IRAG1: variants seen among roughly 807,000 people sequenced by gnomAD.
IRAG1 encodes the protein inositol 1,4,5-triphosphate receptor associated 1, also known as IP3R-associated cGMP kinase substrate.
IRAG1 carries 62 observed loss-of-function variants against 106.2 expected under a neutral mutation model. The observed-to-expected ratio is 0.58, with a 90% CI of 0.48 to 0.72. IRAG1 has a LOEUF of 0.72. IRAG1 is among the 30% of genes least tolerant of loss of function. The probability of loss-of-function intolerance (pLI) is 0.00; values close to 1 mark genes in which losing one functional copy is unlikely to be tolerated. For synonymous variants in IRAG1, 462 were observed against 443.9 expected (o/e 1.04, Z -0.51); for missense variants, 1,064 against 1,140.7 (o/e 0.93, Z 0.97).
chr11:10,614,010 A>G (rs1302942733), intron 10 of IRAG1, among the ~76,000 whole-genome samples: 2 of 152,146 alleles, frequency 1.3e-5, no homozygotes, highest in Non-Finnish European at 2.9e-5. Flanking sequence ...CCCCAGGGCC[A>G]GTACCTGACA....
At chr11:10,689,185 G>T (rs901528496) in intron 1 of IRAG1, among the ~76,000 whole-genome samples, 2 of 146,948 alleles carry the variant, frequency 1.4e-5, no homozygotes, top group African/African-American at 2.4e-5. Context: ...CTTAGCTAAG[G>T]CCTGCTCTCA....
At chr11:10,668,125 C>T (rs1367254242) in intron 1 of IRAG1, among the ~76,000 whole-genome samples, 1 of 152,198 alleles carries the variant, frequency 6.6e-6, no homozygotes, top group Non-Finnish European at 1.5e-5. Flanking sequence ...CATGAAAGAC[C>T]CTACTCATCC....
At chr11:10,675,939 G>A (rs573085062) in intron 1 of IRAG1, among the ~76,000 whole-genome samples, 2 of 152,216 alleles carry the variant, frequency 1.3e-5, no homozygotes, top group South Asian at 4.1e-4. Context: ...ATGGACAGGA[G>A]TGAGGCAAGG....
chr11:10,606,015 T>C (rs1854441693), intron 12 of IRAG1, among the ~76,000 whole-genome samples: 1 of 152,226 alleles, frequency 6.6e-6, no homozygotes, highest in Non-Finnish European at 1.5e-5. Flanking sequence ...TTTTCAGAGC[T>C]GCTGGTTAGG....
intron 1 of IRAG1, among the ~76,000 whole-genome samples, chr11:10,654,120 G>A (rs1345346189): frequency 6.6e-6 from 1 of 152,118 alleles, no homozygotes; most frequent in African/African-American, 2.4e-5. Flanking sequence ...GGAAAGCCCT[G>A]CCACCTCCCA....
intron 1 of IRAG1, among the ~76,000 whole-genome samples, chr11:10,667,602 C>T (rs1470643301): frequency 1.3e-5 from 2 of 152,174 alleles, no homozygotes; most frequent in Non-Finnish European, 2.9e-5. Flanking sequence ...ACCAGAAAAT[C>T]GACTCCTGGG....
chr11:10,665,415 T>G lies in IRAG1; in HGVS notation c.68-13233A>C, dbSNP rs563335218. Among the ~76,000 whole-genome samples the G allele has an allele frequency of 1.3e-5, 2 of 152,330 alleles. No homozygotes were observed. Among genetic ancestry groups the G allele is most frequent in the South Asian group, 4.1e-4 (2 of 4,830 alleles). ...AGGGCTCCAGAGGAGTGACTCGGTTTGACCAACCTCCATGTTCCTGCCTAG... is the reference window on the plus strand; with the variant it reads ...AGGGCTCCAGAGGAGTGACTCGGTTGGACCAACCTCCATGTTCCTGCCTAG... On this transcript the variant is annotated intron_variant, in intron 1 of 20. Coordinates refer to ENST00000423302, the MANE Select transcript of IRAG1 (RefSeq NM_130385.4). The surrounding 1 kb of genome is among the most constrained non-coding windows in gnomAD (Gnocchi z 4.2).
chr11:10,625,564 C>G (rs1195818542), intron 9 of IRAG1, among the ~76,000 whole-genome samples: 3 of 152,090 alleles, frequency 2.0e-5, no homozygotes, highest in Non-Finnish European at 4.4e-5. Context: ...ATCACTATTT[C>G]ACCCTTGCTA....
chr11:10,690,961 C>A (rs1281544443), intron 1 of IRAG1, among the ~76,000 whole-genome samples: 1 of 152,190 alleles, frequency 6.6e-6, no homozygotes, highest in Non-Finnish European at 1.5e-5. Context: ...AAGCTCTCTT[C>A]TCCCTATCTA....
At chr11:10,604,760 A>G (rs183324601) in intron 12 of IRAG1, among the ~76,000 whole-genome samples, 1 of 152,342 alleles carries the variant, frequency 6.6e-6, no homozygotes, top group Admixed American at 6.5e-5. Flanking sequence ...CCTTCCCAGA[A>G]CCGGAGGTCC....
chr11:10,638,440 A>G (rs1218508351), intron 2 of IRAG1, among the ~76,000 whole-genome samples: 1 of 152,154 alleles, frequency 6.6e-6, no homozygotes, highest in South Asian at 2.1e-4. Context: ...TTTGTGCTTA[A>G]AATCTCTCCC....
chr11:10,582,481 C>T (rs897421248), intron 18 of IRAG1, among the ~76,000 whole-genome samples: 10 of 151,344 alleles, frequency 6.6e-5, no homozygotes, highest in African/African-American at 2.4e-4. Flanking sequence ...GGAAAAGCCC[C>T]AAAAAAGGAA....
rs1850815830 is a variant in IRAG1 at position 10,576,406 on chromosome 11, A to G, written c.2665T>C (p.Ser889Pro). The stretch of plus-strand genomic sequence containing the variant: ...TCCCTCTGGGCTGCCGAGCAAGTGG[A>G]TCTTCCAAGGGGCCCATCAGCCTGC... ...AEQADGPLGR[S>P]TCSAAQRDSW... Residue 889 changes from serine (S) to proline (P), a missense_variant, in exon 21 of 21, where the codon TCC (serine) becomes CCC (proline). Coordinates refer to ENST00000423302, the MANE Select transcript of IRAG1 (RefSeq NM_130385.4). 2 of 1,613,938 alleles carry G rather than the reference A, an allele frequency of 1.2e-6. No homozygotes were observed. Among genetic ancestry groups the G allele is most frequent in the Non-Finnish European group, 1.7e-6 (2 of 1,179,870 alleles).
At position 10,593,495 on chromosome 11, in the gene IRAG1, G is replaced by A; in HGVS notation, c.2172C>T (p.Ala724=). 2 of 1,610,244 alleles carry A rather than the reference G, an allele frequency of 1.2e-6. No individual in the cohort carries two copies. Among genetic ancestry groups the A allele is most frequent in the Non-Finnish European group, 8.5e-7 (1 of 1,176,538 alleles). The stretch of plus-strand genomic sequence containing the variant: ...AGGCAGACATCGTCATACTTACCAA[G>A]GCTGGTAAGGAGGGAATGGATGATG... ...PSSSSIPSLP[A]LSESPNGKGS... The change falls in exon 17 of 21, where the codon GCC becomes GCT. Residue 724 remains alanine, a synonymous_variant. Transcript: ENST00000423302.
intron 1 of IRAG1, among the ~76,000 whole-genome samples, chr11:10,682,086 T>C (rs1314163757): frequency 6.6e-6 from 1 of 152,172 alleles, no homozygotes; most frequent in Non-Finnish European, 1.5e-5. Context: ...AAGTCTCCAT[T>C]TTCTCATCAG....
intron 17 of IRAG1, 24 bp from the exon 18 acceptor site, chr11:10,591,636 G>T (rs1415775961): frequency 6.4e-7 from 1 of 1,573,784 alleles, no homozygotes; most frequent in South Asian, 1.2e-5. Flanking sequence ...AGAAGACAGA[G>T]AATTGAGGAT....
At chr11:10,597,804 G>A (rs1405607732) in intron 15 of IRAG1, among the ~76,000 whole-genome samples, 1 of 152,174 alleles carries the variant, frequency 6.6e-6, no homozygotes, top group Non-Finnish European at 1.5e-5. Flanking sequence ...ATTTTAAGTT[G>A]TGAAGTCATC....
chr11:10,581,605 A>G (rs558367062), intron 19 of IRAG1, among the ~76,000 whole-genome samples: 8 of 151,678 alleles, frequency 5.3e-5, no homozygotes, highest in South Asian at 2.1e-4. Context: ...TTTCCAGACT[A>G]TTCTGAGCGG....
intron 20 of IRAG1, among the ~76,000 whole-genome samples, chr11:10,579,850 C>G (rs1346924068): frequency 1.3e-5 from 2 of 152,184 alleles, no homozygotes; most frequent in African/African-American, 4.8e-5. Context: ...TATTCTCCTT[C>G]CCCAACTTAG....
Sources: gnomAD v4.1 joint callset for allele counts (sites outside exome capture counted in the v4.1 genomes callset) on GRCh38, gnomAD v4.1.1 for gene constraint, Gnocchi (gnomAD v3.1) non-coding constraint, MANE v1.5 for transcripts, NCBI Gene and HGNC (gene_info 2026-07-23, HGNC 2026-07-21) for gene names.